Variants in TAF1B observed in about 807,000 individuals in gnomAD.
The protein encoded by TAF1B is TATA-box binding protein associated factor, RNA polymerase I subunit B, also known as TATA box-binding protein-associated factor RNA polymerase I subunit B.
Under a neutral mutation model 83.9 loss-of-function variants are expected in TAF1B, and 61 were observed. That is an observed-to-expected ratio of 0.73 (90% CI 0.59 to 0.90). TAF1B has a LOEUF of 0.90. Among genes scored for constraint, TAF1B ranks in the 40% least tolerant of loss-of-function variants. The pLI is 0.00. For missense variants in TAF1B, 625 were observed against 677.0 expected, an observed-to-expected ratio of 0.92 and a Z score of 0.85; for synonymous variants, 221 against 224.6, an observed-to-expected ratio of 0.98 and a Z score of 0.14.
intron 8 of TAF1B, among the ~76,000 whole-genome samples, chr2:9,889,864 C>T (rs1459575812): frequency 2.0e-5 from 3 of 152,182 alleles, no homozygotes; most frequent in Admixed American, 6.5e-5. Context: ...TCTGGTATTA[C>T]GAAGTCTCTG....
At chr2:9,907,354 T>G (rs1665376376) in intron 9 of TAF1B, among the ~76,000 whole-genome samples, 1 of 152,072 alleles carries the variant, frequency 6.6e-6, no homozygotes, top group South Asian at 2.1e-4. Flanking sequence ...CAAATATTGC[T>G]CTCGGTAATG....
chr2:9,882,021 A>G (rs1171388424), intron 7 of TAF1B, among the ~76,000 whole-genome samples: 1 of 152,132 alleles, frequency 6.6e-6, no homozygotes, highest in Non-Finnish European at 1.5e-5. Flanking sequence ...GTAGGAGCCT[A>G]TCATGCGAGG....
At chr2:9,919,528 G>A (rs757409573) in intron 13 of TAF1B, 70 bp from the exon 14 acceptor site, 9 of 1,376,334 alleles carry the variant, frequency 6.5e-6, no homozygotes, top group Non-Finnish European at 9.3e-6. Flanking sequence ...TTCCTATCAA[G>A]TAAATTCCAG....
intron 5 of TAF1B, among the ~76,000 whole-genome samples, chr2:9,862,259 T>G (rs1663796111): frequency 6.6e-6 from 1 of 152,162 alleles, no homozygotes; most frequent in Non-Finnish European, 1.5e-5. Flanking sequence ...AAGGACCTGA[T>G]GGAGCTGAAA....
At chr2:9,873,859 G>C (rs72782633) in intron 6 of TAF1B, among the ~76,000 whole-genome samples, 1 of 151,806 alleles carries the variant, frequency 6.6e-6, no homozygotes, top group Non-Finnish European at 1.5e-5. Flanking sequence ...TTTCCTGGAA[G>C]AGTGGTCTTC....
At chr2:9,921,246 C>T (rs946662695) in intron 14 of TAF1B, among the ~76,000 whole-genome samples, 7 of 152,136 alleles carry the variant, frequency 4.6e-5, no homozygotes, top group African/African-American at 1.7e-4. Context: ...TGTGCACCAC[C>T]ATACCCAGCT....
At position 9,882,810 on chromosome 2, in the gene TAF1B, G is replaced by A. The variant is rs1256740685; in HGVS notation, c.807+5G>A. 3 of 1,581,732 alleles carry A rather than the reference G, an allele frequency of 1.9e-6. No individual in the cohort carries two copies. Among genetic ancestry groups the A allele is most frequent in the East Asian group, 4.5e-5 (2 of 44,354 alleles). ...AGAGGAATCTTTGGTATAGAGGTAA[G>A]TTATTTTCTTTTTTACTTTCTAGTC... On this transcript the variant is annotated splice_donor_5th_base_variant and intron_variant, in intron 8 of 14. Coordinates refer to ENST00000263663, the MANE Select transcript of TAF1B (RefSeq NM_005680.3).
intron 11 of TAF1B, 43 bp downstream of exon 11, chr2:9,911,600 T>C: frequency 2.2e-6 from 3 of 1,372,566 alleles, no homozygotes; most frequent in Non-Finnish European, 3.0e-6. Flanking sequence ...TGGTTATAGA[T>C]GATAGATTAA....
chr2:9,878,267 G>A (rs1442036903), intron 7 of TAF1B, among the ~76,000 whole-genome samples: 1 of 150,776 alleles, frequency 6.6e-6, no homozygotes, highest in African/African-American at 2.4e-5. Context: ...GTAGAGCTGG[G>A]GTCTTGTGAT....
Position 9,914,872 on chromosome 2 carries a change from T to C in TAF1B, c.1271+1623T>C, listed in dbSNP as rs1418206355. Among the ~76,000 whole-genome samples the C allele has an allele frequency of 6.6e-6, 1 of 152,140 alleles. No individual in the cohort carries two copies. Among genetic ancestry groups the C allele is most frequent in the East Asian group, 1.9e-4 (1 of 5,184 alleles). ...ACTGCTGCTCAGGCCCAGAGCTCAGTGCGTGGTGGCCACCTGTCGGTTTCA... is the reference window on the plus strand; with the variant it reads ...ACTGCTGCTCAGGCCCAGAGCTCAGCGCGTGGTGGCCACCTGTCGGTTTCA... On this transcript the variant is annotated intron_variant, in intron 12 of 14. Coordinates refer to ENST00000263663, the MANE Select transcript of TAF1B (RefSeq NM_005680.3). The surrounding 1 kb of genome is among the most constrained non-coding windows in gnomAD (Gnocchi z 4.3).
intron 5 of TAF1B, among the ~76,000 whole-genome samples, chr2:9,864,508 G>A (rs142628045): frequency 0.082 from 12,505 of 152,222 alleles, 562 homozygotes; most frequent in Middle Eastern, 0.16. Flanking sequence ...TCTACCAGAG[G>A]TATAAGGAGG....
intron 5 of TAF1B, among the ~76,000 whole-genome samples, chr2:9,860,839 A>C (rs564804419): frequency 2.0e-4 from 31 of 152,346 alleles, no homozygotes; most frequent in Non-Finnish European, 4.1e-4. Context: ...AATATAAGGT[A>C]GACTGAGAGG....
intron 6 of TAF1B, among the ~76,000 whole-genome samples, chr2:9,870,166 A>T (rs1269504342): frequency 6.6e-6 from 1 of 152,180 alleles, no homozygotes; most frequent in Non-Finnish European, 1.5e-5. Context: ...GTTATAAAAA[A>T]ATCGTAAAAA....
intron 2 of TAF1B, among the ~76,000 whole-genome samples, chr2:9,846,702 T>A (rs1663217615): frequency 6.6e-6 from 1 of 152,274 alleles, no homozygotes; most frequent in Non-Finnish European, 1.5e-5. Flanking sequence ...TTCTTGAGTC[T>A]GCAGCTGGAA....
intron 8 of TAF1B, among the ~76,000 whole-genome samples, chr2:9,885,047 G>C (rs1224555897): frequency 6.6e-6 from 1 of 152,214 alleles, no homozygotes. Flanking sequence ...CTTTGTAGAA[G>C]TATAGTGTAA....
chr2:9,862,946 A>G (rs1276637811), intron 5 of TAF1B, among the ~76,000 whole-genome samples: 1 of 152,196 alleles, frequency 6.6e-6, no homozygotes, highest in African/African-American at 2.4e-5. Flanking sequence ...TGAAGGAAGC[A>G]CTAAACATGG....
At chr2:9,854,568 G>C in intron 5 of TAF1B, 147 bp downstream of exon 5, 1 of 575,142 alleles carries the variant, frequency 1.7e-6, no homozygotes, top group Non-Finnish European at 3.0e-6. Context: ...CAGTCTAGAG[G>C]ACGGGGTCAC....
chr2:9,895,585 G>A (rs559821393), intron 8 of TAF1B, among the ~76,000 whole-genome samples: 4 of 152,248 alleles, frequency 2.6e-5, no homozygotes, highest in African/African-American at 9.6e-5. Context: ...AATGCAAGGT[G>A]AACTATTTAT....
In TAF1B at chr2:9,868,308, G is replaced by A; in HGVS notation, c.432G>A (p.Trp144Ter). 1 of 1,614,004 alleles carries A rather than the reference G, an allele frequency of 6.2e-7. No individual in the cohort carries two copies. The highest frequency in any genetic ancestry group is 8.5e-7 in the Non-Finnish European group (1 of 1,180,000). Residue 144 changes from tryptophan to a stop codon, truncating the protein, a stop_gained, in exon 6 of 15, where the codon TGG becomes TGA. Coordinates refer to ENST00000263663, the MANE Select transcript of TAF1B (RefSeq NM_005680.3). LOFTEE classifies it high-confidence loss of function. The part of the protein sequence containing the change: ...VLEDNLSHSD[W>*]ASEPELLSDV... Reference sequence around the variant, plus strand: ...AAGATAATCTAAGTCATTCAGACTGGGCTAGTGAGCCTGAGCTGCTAAGTG... The same window carrying A: ...AAGATAATCTAAGTCATTCAGACTGAGCTAGTGAGCCTGAGCTGCTAAGTG...
Sources: gnomAD v4.1 joint callset for allele counts (sites outside exome capture counted in the v4.1 genomes callset) on GRCh38, gnomAD v4.1.1 for gene constraint, Gnocchi (gnomAD v3.1) non-coding constraint, MANE v1.5 for transcripts, NCBI Gene and HGNC (gene_info 2026-07-23, HGNC 2026-07-21) for gene names.